Variants in STARD9 observed in about 807,000 individuals in gnomAD.
STARD9 encodes the protein stAR-related lipid transfer protein 9.
A neutral mutation model predicts 399.8 loss-of-function variants in STARD9; 346 were observed. That is an observed-to-expected ratio of 0.87 (90% CI 0.79 to 0.95). STARD9 has a LOEUF of 0.95. STARD9 is among the 40% of genes least tolerant of loss of function. The pLI is 0.00. For synonymous variants in STARD9, 2,203 were observed against 2,143.5 expected (o/e 1.03, Z -0.77); for missense variants, 5,832 against 5,667.5 (o/e 1.03, Z -0.93).
rs1460814337 is a variant in STARD9, at chr15:42,689,381, G to A, written c.7803G>A (p.Gln2601=). Residue 2601 remains glutamine, a synonymous_variant, in exon 23 of 33, where the codon CAG becomes CAA. Transcript: ENST00000290607. ...GGCCTCAGTGTAAACAAATAGACCA[G>A]TCATCATCAGACCAGACCAGGAATG... ...AGRPQCKQID[Q]SSSDQTRNEG... The A allele has an allele frequency of 6.5e-7, 1 of 1,537,210 alleles. No homozygotes were observed. The highest frequency in any genetic ancestry group is 2.4e-5 in the East Asian group (1 of 40,928).
intron 26 of STARD9, among the ~76,000 whole-genome samples, chr15:42,712,867 T>G (rs1417326356): frequency 6.6e-6 from 1 of 152,194 alleles, no homozygotes; most frequent in Non-Finnish European, 1.5e-5. Context: ...TTGTAGTACC[T>G]TTAGAAGTCA....
chr15:42,717,717 C>T lies in STARD9; in HGVS notation c.13495-14C>T, dbSNP rs1450718847. The T allele has an allele frequency of 2.6e-6, 4 of 1,536,942 alleles. No homozygotes were observed. The highest frequency in any genetic ancestry group is 2.4e-5 in the East Asian group (1 of 40,926). ...CTGTGCCTCCTAATTTGGGTGTGGC[C>T]ATTGTGTCCCCAGGTAATGGCTGCT... On this transcript the variant is annotated splice_polypyrimidine_tract_variant and intron_variant, in intron 28 of 32. Coordinates refer to ENST00000290607, the MANE Select transcript of STARD9 (RefSeq NM_020759.3).
In STARD9 at chr15:42,697,596, C is replaced by T. The variant is rs574177594; in HGVS notation, c.13284+1716C>T. Reference sequence around the variant, plus strand: ...TAAAACGTTTTGAGCACTGTGACACCGGAAGTGGAAAATTCTACACCTGAC... The same window carrying T: ...TAAAACGTTTTGAGCACTGTGACACTGGAAGTGGAAAATTCTACACCTGAC... On this transcript the variant is annotated intron_variant, in intron 26 of 32. Coordinates refer to ENST00000290607, the MANE Select transcript of STARD9 (RefSeq NM_020759.3). Among the ~76,000 whole-genome samples, 9 of 152,132 alleles carry T rather than the reference C, an allele frequency of 5.9e-5. No homozygotes were observed. In the South Asian group the frequency reaches 8.3e-4, roughly 14 times the overall value.
intron 3 of STARD9, among the ~76,000 whole-genome samples, chr15:42,632,655 T>C (rs548845507): frequency 1.3e-5 from 2 of 152,312 alleles, no homozygotes; most frequent in Non-Finnish European, 2.9e-5. Context: ...TTTAAACTGA[T>C]GACAACTTAA....
At chr15:42,640,478 T>A (rs1010420391) in intron 7 of STARD9, among the ~76,000 whole-genome samples, 2 of 152,152 alleles carry the variant, frequency 1.3e-5, no homozygotes, top group Non-Finnish European at 2.9e-5. Context: ...AGCAATACTT[T>A]CAAGGCAGAC....
chr15:42,687,124 C>A lies in STARD9; in HGVS notation c.5546C>A (p.Ser1849Tyr), dbSNP rs886636821. ...ITEESHDSVY[S>Y]SVTQNRHFLP... ...GAAGAAAGCCATGATTCAGTTTATT[C>A]TTCTGTTACTCAGAACAGACATTTT... is the stretch of plus-strand genomic sequence containing the variant. Residue 1849 changes from serine (S) to tyrosine (Y), a missense_variant, in exon 23 of 33, where the codon TCT (serine) becomes TAT (tyrosine). By Grantham distance (144) the Ser-to-Tyr change is moderately radical. This residue lies in a region of STARD9 where 5,828 missense variants were observed against 5,651.1 expected (regional missense o/e 1.03). Coordinates refer to ENST00000290607, the MANE Select transcript of STARD9 (RefSeq NM_020759.3). 8 of 1,537,060 alleles carry A rather than the reference C, an allele frequency of 5.2e-6. No homozygotes were observed. In the African/African-American group the frequency reaches 1.1e-4, roughly 21 times the overall value.
At chr15:42,577,176 T>C (rs2058073130) in intron 1 of STARD9, among the ~76,000 whole-genome samples, 1 of 152,008 alleles carries the variant, frequency 6.6e-6, no homozygotes, top group Admixed American at 6.5e-5. Flanking sequence ...TTTTTTGAGA[T>C]GGAGTCTCGC....
rs945305229 is a variant in STARD9 at position 42,623,109 on chromosome 15, G to A, written c.235-11747G>A. On this transcript the variant is annotated intron_variant, in intron 3 of 32. Coordinates refer to ENST00000290607, the MANE Select transcript of STARD9 (RefSeq NM_020759.3). The stretch of plus-strand genomic sequence containing the variant: ...TCTACTAAAAATACAAAAATTAGCT[G>A]GGTGTGGTGGTGCATGCCTGTAATC... Among the ~76,000 whole-genome samples, 5 of 152,140 alleles carry A rather than the reference G, an allele frequency of 3.3e-5. No individual in the cohort carries two copies. The South Asian group carries it at 8.3e-4, about 25-fold the overall frequency.
Position 42,687,212 on chromosome 15 carries a change from A to T in STARD9, c.5634A>T (p.Lys1878Asn). ...FENQVVILNKKHSFPALEGGE... is the reference protein window; with the variant it reads ...FENQVVILNKNHSFPALEGGE... ...ACCAAGTTGTAATTTTAAATAAAAA[A>T]CACAGTTTTCCAGCACTTGAGGGAG... Residue 1878 changes from lysine to asparagine, a missense_variant, in exon 23 of 33, where the codon AAA becomes AAT. Transcript: ENST00000290607. 6.5e-7 allele frequency: 1 copy of T among 1,537,370 alleles called. No individual in the cohort carries two copies. The highest frequency in any genetic ancestry group is 8.7e-7 in the Non-Finnish European group (1 of 1,146,968).
chr15:42,718,011 T>C lies in STARD9; in HGVS notation c.13594T>C (p.Tyr4532His). The change falls in exon 30 of 33, where the codon TAC becomes CAC. Residue 4532 changes from tyrosine to histidine, a missense_variant. Physicochemically the swap from Tyr to His is moderately conservative, Grantham distance 83 (BLOSUM62 2). Transcript: ENST00000290607. ...TGAGGAGCAGGCGGTGCAGCTTTAC[T>C]ACAAGGTGTTTTCTCCCACTCGGCA... ...QGEEQAVQLY[Y>H]KVFSPTRHGF... 1 of 1,537,232 alleles carries C rather than the reference T, an allele frequency of 6.5e-7. No homozygotes were observed. Among genetic ancestry groups the C allele is most frequent in the Non-Finnish European group, 8.7e-7 (1 of 1,146,904 alleles).
chr15:42,642,879 G>A (rs1474305102), intron 7 of STARD9, among the ~76,000 whole-genome samples: 1 of 152,012 alleles, frequency 6.6e-6, no homozygotes, highest in East Asian at 1.9e-4. Flanking sequence ...ACTCACTGCA[G>A]CCTCAAACTC....
chr15:42,598,206 T>G lies in STARD9; in HGVS notation c.234+12569T>G, dbSNP rs1236152901. On this transcript the variant is annotated intron_variant, in intron 3 of 32. Transcript: ENST00000290607. ...GCCACCACGCCTGGCTAATTTTTTG[T>G]ATTTTTAGTAGAGACGGGGTTTCAC... Among the ~76,000 whole-genome samples, 5 of 151,276 alleles carry G rather than the reference T, an allele frequency of 3.3e-5. No individual in the cohort carries two copies. The East Asian group carries it at 9.9e-4, about 30-fold the overall frequency.
intron 1 of STARD9, among the ~76,000 whole-genome samples, chr15:42,579,038 A>G (rs1489565482): frequency 1.3e-5 from 2 of 152,214 alleles, no homozygotes; most frequent in Non-Finnish European, 1.5e-5. Context: ...AGAAATTCCC[A>G]GGACACCAAT....
intron 4 of STARD9, among the ~76,000 whole-genome samples, chr15:42,635,486 C>T (rs1278657506): frequency 2.6e-5 from 4 of 151,916 alleles, no homozygotes; most frequent in African/African-American, 9.7e-5. Context: ...CCCGCCACCA[C>T]GCTTGGCTAA....
At chr15:42,610,928 A>G (rs2058835840) in intron 3 of STARD9, among the ~76,000 whole-genome samples, 1 of 152,222 alleles carries the variant, frequency 6.6e-6, no homozygotes, top group Non-Finnish European at 1.5e-5. Context: ...TATCAGTCAC[A>G]GTAAGAAAAT....
chr15:42,672,682 A>G (rs1035260038), intron 16 of STARD9: 2 of 152,264 alleles, frequency 1.3e-5, no homozygotes, highest in Non-Finnish European at 2.9e-5. Context: ...CAGTGCGGAC[A>G]GAGCCTCATT....
chr15:42,599,375 G>C (rs1479884756), intron 3 of STARD9, among the ~76,000 whole-genome samples: 3 of 152,132 alleles, frequency 2.0e-5, no homozygotes, highest in African/African-American at 7.2e-5. Flanking sequence ...TTCTCAGACT[G>C]TCCTAGTTAT....
In STARD9 at chr15:42,682,295, A is replaced by G; in HGVS notation, c.2257A>G (p.Arg753Gly). The G allele has an allele frequency of 2.6e-6, 4 of 1,537,246 alleles. No individual in the cohort carries two copies. Among genetic ancestry groups the G allele is most frequent in the Non-Finnish European group, 3.5e-6 (4 of 1,146,892 alleles). The change falls in exon 22 of 33, where the codon AGA becomes GGA. Residue 753 changes from arginine (R) to glycine (G), a missense_variant. Arg to Gly is a moderately radical substitution (Grantham distance 125). Coordinates refer to ENST00000290607, the MANE Select transcript of STARD9 (RefSeq NM_020759.3). ...KRVVHLQLLR[R>G]HTLRAAERNV... is the part of the protein sequence containing the mutation. ...GGTGGTGCACCTGCAGCTCCTGCGGAGACACACTCTTCGGGCAGCAGAGCG... is the reference window on the plus strand; with the variant it reads ...GGTGGTGCACCTGCAGCTCCTGCGGGGACACACTCTTCGGGCAGCAGAGCG...
intron 7 of STARD9, among the ~76,000 whole-genome samples, chr15:42,642,645 C>T (rs750109325): frequency 8.5e-5 from 13 of 152,126 alleles, no homozygotes; most frequent in Non-Finnish European, 1.6e-4. Flanking sequence ...AAACTAGGAC[C>T]TCTAGTACAA....
Sources: allele counts gnomAD v4.1 joint callset (sites outside exome capture counted in the v4.1 genomes callset), GRCh38; gene constraint gnomAD v4.1.1; regional missense constraint gnomAD v4.1.1; transcripts MANE v1.5; gene names NCBI Gene and HGNC (gene_info 2026-07-23, HGNC 2026-07-21).